C8orf34: variants seen among roughly 807,000 people sequenced by gnomAD.
The protein encoded by C8orf34 is uncharacterized protein C8orf34.
A neutral mutation model predicts 68.3 loss-of-function variants in C8orf34; 65 were observed. The ratio of observed to expected loss-of-function variants is 0.95; its 90% CI spans 0.78 to 1.17. The LOEUF (loss-of-function observed/expected upper bound fraction) is 1.17, where lower values mean the gene tolerates loss of function less well. Ranked by LOEUF, C8orf34 falls within the 50% of genes most tolerant of loss-of-function variation. The pLI, the probability that C8orf34 is intolerant of heterozygous loss-of-function variation, is 0.00. For synonymous variants in C8orf34, 244 were observed against 241.2 expected (o/e 1.01, Z -0.11); for missense variants, 664 against 655.4 (o/e 1.01, Z -0.14).
chr8:68,382,427 A>G (rs1808082309), intron 1 of C8orf34, among the ~76,000 whole-genome samples: 1 of 152,234 alleles, frequency 6.6e-6, no homozygotes, highest in Admixed American at 6.5e-5. Flanking sequence ...TTAGAAATTC[A>G]GTCTTCATTC....
intron 7 of C8orf34, among the ~76,000 whole-genome samples, chr8:68,540,095 C>T (rs1358426954): frequency 2.6e-5 from 4 of 151,580 alleles, no homozygotes; most frequent in African/African-American, 9.7e-5. Flanking sequence ...GTCTTATGTT[C>T]AACAATTTCA....
chr8:68,731,591 C>G (rs1032894060), intron 10 of C8orf34, among the ~76,000 whole-genome samples: 1 of 151,900 alleles, frequency 6.6e-6, no homozygotes, highest in Non-Finnish European at 1.5e-5. Context: ...TAAGCATATT[C>G]TTTTTTCCCA....
At chr8:68,583,621 A>T (rs2130368084) in intron 7 of C8orf34, among the ~76,000 whole-genome samples, 1 of 152,274 alleles carries the variant, frequency 6.6e-6, no homozygotes, top group South Asian at 2.1e-4. Context: ...TTTCTTTAAA[A>T]GTCAATAGGT....
chr8:68,550,192 T>C (rs1816018749), intron 7 of C8orf34, among the ~76,000 whole-genome samples: 1 of 151,750 alleles, frequency 6.6e-6, no homozygotes, highest in Admixed American at 6.6e-5. Context: ...TCTGCCTTTA[T>C]GGTTTTAACT....
intron 11 of C8orf34, among the ~76,000 whole-genome samples, chr8:68,783,908 A>C (rs1225978815): frequency 6.6e-6 from 1 of 152,212 alleles, no homozygotes; most frequent in Non-Finnish European, 1.5e-5. Flanking sequence ...CTTTTTTAGA[A>C]CAGTTTTTGA....
chr8:68,498,055 C>T (rs570801487), intron 5 of C8orf34, among the ~76,000 whole-genome samples: 4 of 152,240 alleles, frequency 2.6e-5, no homozygotes, highest in African/African-American at 9.6e-5. Flanking sequence ...CTCGACCTCC[C>T]GACCGCAGGT....
chr8:68,586,343 T>C (rs1817209412), intron 7 of C8orf34, among the ~76,000 whole-genome samples: 1 of 152,176 alleles, frequency 6.6e-6, no homozygotes, highest in Admixed American at 6.5e-5. Flanking sequence ...TTGACAAAGA[T>C]CTTGTATATA....
intron 5 of C8orf34, among the ~76,000 whole-genome samples, chr8:68,497,252 A>G (rs555006147): frequency 1.3e-5 from 2 of 152,344 alleles, no homozygotes; most frequent in South Asian, 2.1e-4. Context: ...ATAGAAAAAA[A>G]TCCTCTTAAC....
chr8:68,708,497 C>T (rs1233565654), intron 8 of C8orf34, among the ~76,000 whole-genome samples: 1 of 152,174 alleles, frequency 6.6e-6, no homozygotes, highest in Non-Finnish European at 1.5e-5. Flanking sequence ...TGGGCAGTCA[C>T]ACATTAGGAA....
At chr8:68,645,302 C>T (rs80097990) in intron 8 of C8orf34, among the ~76,000 whole-genome samples, 2,755 of 152,236 alleles carry the variant, frequency 0.018, 93 homozygotes, top group African/African-American at 0.064. Flanking sequence ...ACACAGTTTT[C>T]TCTTTTTCTC....
intron 3 of C8orf34, among the ~76,000 whole-genome samples, chr8:68,454,879 T>C (rs916073540): frequency 6.6e-6 from 1 of 152,090 alleles, no homozygotes. Flanking sequence ...AATGGGGACA[T>C]TTACTGCTAT....
At chr8:68,680,278 A>G (rs1273597896) in intron 8 of C8orf34, among the ~76,000 whole-genome samples, 3 of 152,236 alleles carry the variant, frequency 2.0e-5, no homozygotes, top group African/African-American at 7.2e-5. Flanking sequence ...TTCTCAAAAG[A>G]AGACATACAA....
At chr8:68,649,538 G>A (rs1413232559) in intron 8 of C8orf34, among the ~76,000 whole-genome samples, 1 of 152,156 alleles carries the variant, frequency 6.6e-6, no homozygotes, top group Non-Finnish European at 1.5e-5. Flanking sequence ...TTGGTATACT[G>A]CCCTCATTGT....
chr8:68,432,976 T>A (rs1200036745), intron 1 of C8orf34, among the ~76,000 whole-genome samples: 1 of 152,176 alleles, frequency 6.6e-6, no homozygotes, highest in Non-Finnish European at 1.5e-5. Context: ...CAAGTAGAAT[T>A]TCATTCACTG....
intron 1 of C8orf34, among the ~76,000 whole-genome samples, chr8:68,407,375 C>T (rs1156970173): frequency 1.3e-5 from 2 of 152,092 alleles, no homozygotes; most frequent in South Asian, 2.1e-4. Context: ...GATAATTTTG[C>T]CTGCTCCCTA....
chr8:68,400,977 T>C (rs1417195525), intron 1 of C8orf34, among the ~76,000 whole-genome samples: 1 of 152,198 alleles, frequency 6.6e-6, no homozygotes, highest in African/African-American at 2.4e-5. Context: ...AGTGTGGTCA[T>C]TTCAATGATA....
chr8:68,737,633 C>T (rs145252347), intron 10 of C8orf34, among the ~76,000 whole-genome samples: 34 of 151,144 alleles, frequency 2.2e-4, no homozygotes, highest in South Asian at 8.4e-4. Flanking sequence ...TACTTTCAGA[C>T]GAAACAAACT....
intron 7 of C8orf34, among the ~76,000 whole-genome samples, chr8:68,620,795 T>TC (rs1226919997): frequency 2.0e-5 from 3 of 151,198 alleles, no homozygotes; most frequent in African/African-American, 7.3e-5. Flanking sequence ...TTTTTTTTTT[T>TC]CCCCCATTAC....
chr8:68,730,491 G>A (rs1298108573), intron 10 of C8orf34, among the ~76,000 whole-genome samples: 1 of 152,010 alleles, frequency 6.6e-6, no homozygotes, highest in Non-Finnish European at 1.5e-5. Flanking sequence ...GTTGATTTCT[G>A]ACATGTTAAG....
Sources: allele counts gnomAD v4.1 joint callset (sites outside exome capture counted in the v4.1 genomes callset), GRCh38; gene constraint gnomAD v4.1.1; transcripts MANE v1.5; gene names NCBI Gene and HGNC (gene_info 2026-07-23, HGNC 2026-07-21).